Variants in INPP4B observed in about 807,000 individuals in gnomAD.
INPP4B encodes inositol polyphosphate-4-phosphatase type II B.
A neutral mutation model predicts 122.5 loss-of-function variants in INPP4B; 55 were observed. That is an observed-to-expected ratio of 0.45 (90% CI 0.36 to 0.56). The LOEUF is 0.56. Ranked by LOEUF, INPP4B falls within the 20% of genes least tolerant of loss-of-function variation. The pLI is 0.00. For synonymous variants in INPP4B, 403 were observed against 388.7 expected (o/e 1.04, Z -0.43); for missense variants, 1,000 against 1,097.7 (o/e 0.91, Z 1.26).
At chr4:142,805,812 G>A (rs1008685830) in intron 1 of INPP4B, among the ~76,000 whole-genome samples, 1 of 152,158 alleles carries the variant, frequency 6.6e-6, no homozygotes, top group Non-Finnish European at 1.5e-5. Flanking sequence ...CTGTTCAATA[G>A]TAGGCTATTA....
Position 142,134,352 on chromosome 4 carries a change from G to C in INPP4B, c.1721-9592C>G, listed in dbSNP as rs1364098301. ...GTGGACTTGCCAAGATCCTGGCTCT[G>C]AGTCCCATGTTACTCTGTTACTTCA... On this transcript the variant is annotated intron_variant, in intron 18 of 25. Coordinates refer to ENST00000262992, the MANE Select transcript of INPP4B (RefSeq NM_001101669.3). Among the ~76,000 whole-genome samples the C allele has an allele frequency of 2.0e-5, 3 of 152,126 alleles. No individual in the cohort carries two copies. The East Asian group carries it at 5.8e-4, about 29-fold the overall frequency.
intron 2 of INPP4B, among the ~76,000 whole-genome samples, chr4:142,556,757 G>A (rs1246445959): frequency 6.6e-6 from 1 of 152,134 alleles, no homozygotes; most frequent in Non-Finnish European, 1.5e-5. Flanking sequence ...TCCAATTTGA[G>A]TCAGAAAGAC....
At chr4:142,201,046 T>C (rs1840408205) in intron 14 of INPP4B, among the ~76,000 whole-genome samples, 1 of 152,088 alleles carries the variant, frequency 6.6e-6, no homozygotes, top group Non-Finnish European at 1.5e-5. Flanking sequence ...TTTGTGTGCA[T>C]ATTTTATAGA....
intron 1 of INPP4B, among the ~76,000 whole-genome samples, chr4:142,768,486 C>T (rs532747703): frequency 6.6e-6 from 1 of 152,162 alleles, no homozygotes; most frequent in African/African-American, 2.4e-5. Flanking sequence ...TCTTAGCAGT[C>T]ACATAGGAGT....
At chr4:142,258,666 A>T (rs13114708) in intron 11 of INPP4B, among the ~76,000 whole-genome samples, 3 of 151,078 alleles carry the variant, frequency 2.0e-5, no homozygotes, top group Non-Finnish European at 4.4e-5. Context: ...ACCATCTCAC[A>T]CCAGTTAGAA....
At chr4:142,626,064 T>C (rs540631908) in intron 2 of INPP4B, among the ~76,000 whole-genome samples, 70 of 152,144 alleles carry the variant, frequency 4.6e-4, no homozygotes, top group Non-Finnish European at 8.8e-4. Flanking sequence ...ATTCAGGACA[T>C]AGGCATGGGC....
At chr4:142,071,741 TATC>T (rs1767499896) in intron 25 of INPP4B, among the ~76,000 whole-genome samples, 2 of 152,106 alleles carry the variant, frequency 1.3e-5, no homozygotes, top group Admixed American at 1.3e-4. Flanking sequence ...AAAAAATGCT[TATC>T]ATCACTGGCC....
chr4:142,272,242 A>C (rs888996383), intron 9 of INPP4B, among the ~76,000 whole-genome samples: 1 of 152,074 alleles, frequency 6.6e-6, no homozygotes, highest in Non-Finnish European at 1.5e-5. Flanking sequence ...TAGTTTACCA[A>C]AATGCTAATT....
At chr4:142,837,889 T>C (rs1782993709) in intron 1 of INPP4B, among the ~76,000 whole-genome samples, 1 of 152,018 alleles carries the variant, frequency 6.6e-6, no homozygotes, top group African/African-American at 2.4e-5. Context: ...ACAGAAAATA[T>C]CCATCACAGT....
chr4:142,068,062 A>T (rs1314641621), intron 25 of INPP4B, among the ~76,000 whole-genome samples: 1 of 152,194 alleles, frequency 6.6e-6, no homozygotes, highest in East Asian at 1.9e-4. Flanking sequence ...AAGGAAAAAA[A>T]GTTAAGGGCA....
intron 2 of INPP4B, among the ~76,000 whole-genome samples, chr4:142,493,548 T>A (rs1822143636): frequency 6.6e-6 from 1 of 152,142 alleles, no homozygotes; most frequent in African/African-American, 2.4e-5. Context: ...TCAAAGGAGA[T>A]CATTTTGGAA....
chr4:142,368,389 T>G (rs1055297874), intron 7 of INPP4B, among the ~76,000 whole-genome samples: 1 of 152,172 alleles, frequency 6.6e-6, no homozygotes, highest in South Asian at 2.1e-4. Context: ...TTCAACTTTT[T>G]GGGCAATGGC....
intron 9 of INPP4B, among the ~76,000 whole-genome samples, chr4:142,299,155 TC>T (rs1272337774): frequency 5.5e-5 from 8 of 146,642 alleles, no homozygotes; most frequent in Non-Finnish European, 9.0e-5. Flanking sequence ...TTTCTTTCTT[TC>T]TTTTTTTTTT....
In INPP4B at chr4:142,683,060, T is replaced by A. The variant is rs561413676; in HGVS notation, c.-191+42779A>T. Among the ~76,000 whole-genome samples, 5 of 152,040 alleles carry A rather than the reference T, an allele frequency of 3.3e-5. 1 individual carries two copies. The South Asian group carries it at 1.0e-3, about 32-fold the overall frequency. On this transcript the variant is annotated intron_variant, in intron 2 of 25. Transcript: ENST00000262992. ...CAAAGTTTAGCTCAGCTGAAGCTTG[T>A]CTTATTCATTTTTTGCTTCTTTAGT...
intron 2 of INPP4B, among the ~76,000 whole-genome samples, chr4:142,616,217 T>G (rs1743670048): frequency 6.6e-6 from 1 of 152,142 alleles, no homozygotes; most frequent in Non-Finnish European, 1.5e-5. Context: ...CTCAGTGTGG[T>G]GATGACTCCC....
At chr4:142,121,241 A>C (rs1448613593) in intron 21 of INPP4B, among the ~76,000 whole-genome samples, 2 of 152,082 alleles carry the variant, frequency 1.3e-5, no homozygotes, top group Non-Finnish European at 2.9e-5. Context: ...TTTTGTGAGT[A>C]AGAAAGTCAC....
At chr4:142,693,316 G>C (rs570826829) in intron 2 of INPP4B, among the ~76,000 whole-genome samples, 18 of 151,934 alleles carry the variant, frequency 1.2e-4, no homozygotes, top group South Asian at 4.2e-4. Flanking sequence ...TTGAGTGTTT[G>C]GATAAGAAAA....
At position 142,045,367 on chromosome 4, in the gene INPP4B, C is replaced by T. The variant is rs572044856; in HGVS notation, c.2643-16453G>A. Among the ~76,000 whole-genome samples, 8 of 152,120 alleles carry T rather than the reference C, an allele frequency of 5.3e-5. No individual in the cohort carries two copies. The South Asian group carries it at 1.7e-3, about 32-fold the overall frequency. ...GTACTGGCCTTTTAATTTCTAATAA[C>T]TAAAATTTTTAATTACCGGGAACTA... On this transcript the variant is annotated intron_variant, in intron 25 of 25. Transcript: ENST00000262992.
intron 1 of INPP4B, among the ~76,000 whole-genome samples, chr4:142,822,238 C>G (rs1229404168): frequency 6.6e-6 from 1 of 152,196 alleles, no homozygotes. Flanking sequence ...AGCACTATGT[C>G]AAGCACTTTA....
Sources: gnomAD v4.1 joint callset for allele counts (sites outside exome capture counted in the v4.1 genomes callset) on GRCh38, gnomAD v4.1.1 for gene constraint, MANE v1.5 for transcripts, NCBI Gene and HGNC (gene_info 2026-07-23, HGNC 2026-07-21) for gene names.